Variants in PEDS1 observed in about 807,000 individuals in gnomAD.
The protein encoded by PEDS1 is CarF homolog.
Under a neutral mutation model 35.2 loss-of-function variants are expected in PEDS1, and 14 were observed. The observed-to-expected ratio is 0.40, with a 90% CI of 0.26 to 0.62. PEDS1 has a LOEUF of 0.62. Ranked by LOEUF, PEDS1 falls within the 20% of genes least tolerant of loss-of-function variation. PEDS1 has a pLI of 0.44. For synonymous variants in PEDS1, 152 were observed against 152.0 expected (o/e 1.00, Z 0.00); for missense variants, 260 against 367.8 (o/e 0.71, Z 2.40).
chr20:50,149,248 G>A (rs1010690808), intron 1 of PEDS1, among the ~76,000 whole-genome samples: 34 of 152,150 alleles, frequency 2.2e-4, no homozygotes, highest in African/African-American at 8.0e-4. Context: ...CTCTCACCCA[G>A]TACTCCTGAC....
chr20:50,127,560 G>A (rs1363926276), intron 5 of PEDS1, among the ~76,000 whole-genome samples: 1 of 152,070 alleles, frequency 6.6e-6, no homozygotes, highest in African/African-American at 2.4e-5. Flanking sequence ...TGGCCAGGCT[G>A]GTCTCCAACT....
chr20:50,133,519 A>T (rs1168827963), intron 2 of PEDS1, among the ~76,000 whole-genome samples: 2 of 152,130 alleles, frequency 1.3e-5, no homozygotes, highest in African/African-American at 4.8e-5. Flanking sequence ...TGGTCTGGGC[A>T]GTCTTGCCCA....
chr20:50,145,835 G>A (rs1312202009), intron 1 of PEDS1, among the ~76,000 whole-genome samples: 4 of 152,164 alleles, frequency 2.6e-5, no homozygotes, highest in African/African-American at 9.7e-5. Context: ...AAAATATACT[G>A]AGCAGTTACT....
chr20:50,120,641 C>T lies in PEDS1; in HGVS notation c.*4417G>A. 6.6e-6 allele frequency: 1 copy of T among 152,080 alleles called. No homozygotes were observed. The highest frequency in any genetic ancestry group is 1.5e-5 in the Non-Finnish European group (1 of 68,034). The allele number at this position is 152,080 out of a possible 1,614,324, so 9.4% of individuals were successfully genotyped here. A position where few individuals can be genotyped will look rare whatever the true frequency, so the allele number is the denominator to read the frequency against. On this transcript the variant is annotated 3_prime_UTR_variant, in exon 6 of 6. Transcript: ENST00000371652. ...CTTGAGCTCAGGCGTTCGAGACCAG[C>T]CTGGGCAACATGGTGAAACCCCATC...
chr20:50,146,064 G>A (rs557343451), intron 1 of PEDS1, among the ~76,000 whole-genome samples: 2 of 152,270 alleles, frequency 1.3e-5, no homozygotes, highest in South Asian at 4.1e-4. Context: ...TCACCTTGAC[G>A]ACATTCTGGG....
rs1421565822 is a variant in PEDS1 at position 50,129,757 on chromosome 20, T to C, written c.334-67A>G. 1.3e-6 allele frequency: 2 copies of C among 1,588,898 alleles called. No individual in the cohort carries two copies. Among genetic ancestry groups the C allele is most frequent in the Non-Finnish European group, 1.7e-6 (2 of 1,167,750 alleles). The stretch of plus-strand genomic sequence containing the variant: ...TGGTCAGCTGCTCTCCACAGCCCCC[T>C]AAACACATTCACCCTGGGCTCACCT... On this transcript the variant is annotated intron_variant, in intron 3 of 5. Coordinates refer to ENST00000371652, the MANE Select transcript of PEDS1 (RefSeq NM_199129.4). The surrounding 1 kb of genome is among the most constrained non-coding windows in gnomAD (Gnocchi z 4.2).
intron 2 of PEDS1, 87 bp downstream of exon 2, chr20:50,143,415 C>T: frequency 6.5e-7 from 1 of 1,533,658 alleles, no homozygotes; most frequent in African/African-American, 1.4e-5. Context: ...CACATCCATG[C>T]ATGTGGACAC....
intron 2 of PEDS1, among the ~76,000 whole-genome samples, chr20:50,132,305 ATTTGT>A (rs2081188449): frequency 1.3e-5 from 2 of 152,306 alleles, no homozygotes; most frequent in East Asian, 1.9e-4. Context: ...AATTCTCACC[ATTTGT>A]TTTAAGTTGG....
rs2081060667 is a variant in PEDS1 at position 50,122,606 on chromosome 20, T to C, written c.*2452A>G. Reference sequence around the variant, plus strand: ...TAATCCCAGCTACTCAGAAATGTCATTATCTGTGACTGCTCTGGAGTCCTT... The same window carrying C: ...TAATCCCAGCTACTCAGAAATGTCACTATCTGTGACTGCTCTGGAGTCCTT... On this transcript the variant is annotated 3_prime_UTR_variant, in exon 6 of 6. Transcript: ENST00000371652. The C allele has an allele frequency of 6.6e-6, 1 of 152,052 alleles. No individual in the cohort carries two copies. 9.4% of individuals were successfully genotyped at this position (152,052 alleles called of 1,614,324 possible). A position where few individuals can be genotyped will look rare whatever the true frequency, so the allele number is the denominator to read the frequency against.
intron 1 of PEDS1, among the ~76,000 whole-genome samples, chr20:50,150,202 G>GA: frequency 6.6e-6 from 1 of 152,258 alleles, no homozygotes; most frequent in Non-Finnish European, 1.5e-5. Context: ...AGCAGGTGAG[G>GA]AAAATGCCAG....
At chr20:50,148,205 C>G (rs551863119) in intron 1 of PEDS1, among the ~76,000 whole-genome samples, 1 of 152,388 alleles carries the variant, frequency 6.6e-6, no homozygotes, top group South Asian at 2.1e-4. Context: ...TAGGGACCCT[C>G]TGTCCCATCC....
chr20:50,150,307 A>G (rs553637257), intron 1 of PEDS1, among the ~76,000 whole-genome samples: 1 of 152,212 alleles, frequency 6.6e-6, no homozygotes, highest in African/African-American at 2.4e-5. Context: ...AGTAATCTCA[A>G]ACATTCTGCT....
In PEDS1 at chr20:50,127,942, G is replaced by T. The variant is rs747372693; in HGVS notation, c.691+33C>A. On this transcript the variant is annotated intron_variant, in intron 5 of 5. Transcript: ENST00000371652. The stretch of plus-strand genomic sequence containing the variant: ...GAAGATGGTGCAGTGGCTGGGGTGG[G>T]GAAAGCCCATTCCACGCCACTGGTG... 1.6e-5 allele frequency: 25 copies of T among 1,603,122 alleles called. No individual in the cohort carries two copies. In the East Asian group the frequency reaches 5.2e-4, roughly 33 times the overall value.
chr20:50,153,211 C>T (rs922503263), intron 1 of PEDS1, among the ~76,000 whole-genome samples: 3 of 152,008 alleles, frequency 2.0e-5, no homozygotes, highest in African/African-American at 7.3e-5. Context: ...CTCTTCACAA[C>T]CGAGAATGCC....
At chr20:50,137,395 A>G (rs952881482) in intron 2 of PEDS1, among the ~76,000 whole-genome samples, 7 of 152,256 alleles carry the variant, frequency 4.6e-5, no homozygotes, top group African/African-American at 1.7e-4. Context: ...TCATGGGATC[A>G]GAGTCATCAC....
At chr20:50,151,394 A>C in intron 1 of PEDS1, 1 of 855,768 alleles carries the variant, frequency 1.2e-6, no homozygotes, top group Non-Finnish European at 1.7e-6. Context: ...GGAGGCTCAG[A>C]ATGCCTGGGA....
At position 50,143,514 on chromosome 20, in the gene PEDS1, T is replaced by G; in HGVS notation, c.229A>C (p.Ile77Leu). The change falls in exon 2 of 6, where the codon ATA (isoleucine) becomes CTA (leucine). Residue 77 changes from isoleucine (I) to leucine (L), a missense_variant. This residue lies in a region of PEDS1 where 114 missense variants were observed against 121.6 expected (regional missense o/e 0.94). Transcript: ENST00000371652. ...LARWEDTPLV[I>L]LGVVAGALIA... is the part of the protein sequence containing the mutation. ...CTCGGGCACTCACCAACACCGAGTA[T>G]GACGAGGGGTGTGTCCTCCCAGCGG... 6.2e-7 allele frequency: 1 copy of G among 1,608,494 alleles called. No homozygotes were observed. The highest frequency in any genetic ancestry group is 8.5e-7 in the Non-Finnish European group (1 of 1,178,066).
Position 50,128,263 on chromosome 20 carries a change from C to T in PEDS1, c.479-76G>A. On this transcript the variant is annotated intron_variant, in intron 4 of 5. Transcript: ENST00000371652. This position sits in a 1 kb window ranked among gnomAD's most constrained non-coding sequence, Gnocchi z 5.2. ...AACCCACCCCAAATGGCCCTCACCA[C>T]CTGCTCCTGGGCGGCTCCTGAGCTG... 6.4e-7 allele frequency: 1 copy of T among 1,562,262 alleles called. No individual in the cohort carries two copies. Among genetic ancestry groups the T allele is most frequent in the Non-Finnish European group, 8.7e-7 (1 of 1,150,534 alleles).
chr20:50,124,888 T>A lies in PEDS1; in HGVS notation c.*170A>T. ...AAAAAAAAAAAAAAGAAATGAAAAA[T>A]CAGTGGCTCAAGTATTCTGTGTCAT... On this transcript the variant is annotated 3_prime_UTR_variant, in exon 6 of 6. Coordinates refer to ENST00000371652, the MANE Select transcript of PEDS1 (RefSeq NM_199129.4). The A allele has an allele frequency of 3.1e-5, 23 of 743,128 alleles. No homozygotes were observed. Among genetic ancestry groups the A allele is most frequent in the South Asian group, 6.7e-5 (3 of 44,568 alleles). The allele number at this position is 743,128 out of a possible 1,614,324, so 46.0% of individuals were successfully genotyped here. A position where few individuals can be genotyped will look rare whatever the true frequency, so the allele number is the denominator to read the frequency against.
Sources: allele counts gnomAD v4.1 joint callset (sites outside exome capture counted in the v4.1 genomes callset), GRCh38; gene constraint gnomAD v4.1.1; regional missense constraint gnomAD v4.1.1; non-coding constraint Gnocchi (gnomAD v3.1); transcripts MANE v1.5; gene names NCBI Gene and HGNC (gene_info 2026-07-23, HGNC 2026-07-21).